Variants in ATP6V0D1 observed in about 807,000 individuals in gnomAD.
ATP6V0D1 encodes V-type proton ATPase subunit d 1.
ATP6V0D1 carries 13 observed loss-of-function variants against 39.0 expected under a neutral mutation model. The ratio of observed to expected loss-of-function variants is 0.33; its 90% CI spans 0.22 to 0.53. The LOEUF (loss-of-function observed/expected upper bound fraction) is 0.53, where lower values mean the gene tolerates loss of function less well. Ranked by LOEUF, ATP6V0D1 falls within the 20% of genes least tolerant of loss-of-function variation. ATP6V0D1 has a pLI of 0.94. For missense variants in ATP6V0D1, 272 were observed against 470.9 expected, an observed-to-expected ratio of 0.58 and a Z score of 3.91; for synonymous variants, 191 against 191.2, an observed-to-expected ratio of 1.00 and a Z score of 0.01.
chr16:67,455,161 A>T (rs756871152), intron 1 of ATP6V0D1: 6 of 152,180 alleles, frequency 3.9e-5, no homozygotes, highest in Non-Finnish European at 7.3e-5. Flanking sequence ...AGGGGATCAA[A>T]GGCGGAGCTG....
rs529258503 is a variant in ATP6V0D1 at position 67,439,132 on chromosome 16, G to A, written c.655C>T (p.Arg219Cys). The A allele has an allele frequency of 8.1e-6, 13 of 1,614,124 alleles. No homozygotes were observed. Among genetic ancestry groups the A allele is most frequent in the African/African-American group, 1.3e-5 (1 of 75,058 alleles). ...GAATTGATGGTGATGATGAAGGCGC[G>A]GCGGTCTGCTTCAAACTGTGGAGCC... Reference protein sequence around the residue: ...CPILEFEADRRAFIITINSFG... With the variant: ...CPILEFEADRCAFIITINSFG... Residue 219 changes from arginine to cysteine, a missense_variant, in exon 6 of 8, where the codon CGC becomes TGC. Coordinates refer to ENST00000290949, the MANE Select transcript of ATP6V0D1 (RefSeq NM_004691.5).
intron 1 of ATP6V0D1, among the ~76,000 whole-genome samples, chr16:67,466,345 AC>A (rs1483609373): frequency 1.3e-5 from 2 of 148,290 alleles, no homozygotes; most frequent in African/African-American, 2.6e-5. Context: ...ACACACACAC[AC>A]ACACACACAC....
intron 1 of ATP6V0D1, among the ~76,000 whole-genome samples, chr16:67,477,137 T>TTAAAGTGGGAACAAGGGA (rs2041422016): frequency 1.3e-5 from 2 of 150,028 alleles, no homozygotes; most frequent in African/African-American, 2.4e-5. Context: ...TACTACTAAT[T>TTAAAGTGGGAACAAGGGA]TAAAGTGGGA....
intron 3 of ATP6V0D1, 137 bp from the exon 4 acceptor site, chr16:67,443,315 T>G (rs1025032004): frequency 1.3e-6 from 1 of 753,062 alleles, no homozygotes; most frequent in Admixed American, 2.6e-5. Context: ...CAGCCTAGGC[T>G]GTTGCCTTGG....
chr16:67,454,615 G>A (rs1228178306), intron 1 of ATP6V0D1: 1 of 150,990 alleles, frequency 6.6e-6, no homozygotes, highest in Non-Finnish European at 1.5e-5. Context: ...GGCTGAACTT[G>A]AACTCCTAGT....
At chr16:67,454,687 G>C (rs920553649) in intron 1 of ATP6V0D1, 1 of 152,136 alleles carries the variant, frequency 6.6e-6, no homozygotes, top group East Asian at 1.9e-4. Context: ...GTGCCAGCCA[G>C]AGTGATCTTT....
At chr16:67,467,981 G>A (rs1019627609) in intron 1 of ATP6V0D1, among the ~76,000 whole-genome samples, 4 of 152,188 alleles carry the variant, frequency 2.6e-5, no homozygotes, top group Non-Finnish European at 5.9e-5. Flanking sequence ...ACTATGGGAG[G>A]CAGACCTGGG....
At chr16:67,461,764 CA>C (rs2041291081) in intron 1 of ATP6V0D1, among the ~76,000 whole-genome samples, 1 of 152,152 alleles carries the variant, frequency 6.6e-6, no homozygotes, top group African/African-American at 2.4e-5. Context: ...CAGCTGACAC[CA>C]GGGGCCAGCG....
intron 4 of ATP6V0D1, 83 bp from the exon 5 acceptor site, chr16:67,439,434 T>TC (rs1166028073): frequency 2.3e-6 from 3 of 1,318,138 alleles, no homozygotes; most frequent in Non-Finnish European, 3.2e-6. Context: ...AGCTCCCTCC[T>TC]CCCCTCCCTA....
In ATP6V0D1 at chr16:67,444,431, T is replaced by G. The variant is rs542205139; in HGVS notation, c.481+97A>C. The G allele has an allele frequency of 5.9e-6, 8 of 1,359,542 alleles. No individual in the cohort carries two copies. In the African/African-American group the frequency reaches 1.2e-4, roughly 20 times the overall value. The allele number at this position is 1,359,542 out of a possible 1,614,324, so 84.2% of individuals were successfully genotyped here. ...GCAGCAGTGGGCAGGTCTCACTTTCTGGCTCAGGGTCGCCCCCCAGCGGGT... is the reference window on the plus strand; with the variant it reads ...GCAGCAGTGGGCAGGTCTCACTTTCGGGCTCAGGGTCGCCCCCCAGCGGGT... On this transcript the variant is annotated intron_variant, in intron 3 of 7. Transcript: ENST00000290949. This position sits in a 1 kb window ranked among gnomAD's most constrained non-coding sequence, Gnocchi z 4.8.
At chr16:67,443,246 C>G in intron 3 of ATP6V0D1, 68 bp from the exon 4 acceptor site, 1 of 1,516,986 alleles carries the variant, frequency 6.6e-7, no homozygotes, top group South Asian at 1.1e-5. Context: ...TTCAAATGCC[C>G]TACACGGCAC....
At chr16:67,464,088 A>T (rs1170107638) in intron 1 of ATP6V0D1, among the ~76,000 whole-genome samples, 1 of 152,140 alleles carries the variant, frequency 6.6e-6, no homozygotes, top group African/African-American at 2.4e-5. Flanking sequence ...TGAACCCATG[A>T]CCTGGCAGCC....
intron 2 of ATP6V0D1, chr16:67,445,737 C>T (rs911287265): frequency 2.8e-6 from 1 of 359,906 alleles, no homozygotes; most frequent in Non-Finnish European, 5.6e-6. Flanking sequence ...CTGCCCAGTT[C>T]AGACTTGGCA....
chr16:67,459,078 G>T, intron 1 of ATP6V0D1: 5 of 985,684 alleles, frequency 5.1e-6, no homozygotes, highest in Non-Finnish European at 6.0e-6. Flanking sequence ...GAGGCCCCGT[G>T]CCCTCAGCCC....
At chr16:67,457,102 T>C (rs1449202203) in intron 1 of ATP6V0D1, 1 of 154,260 alleles carries the variant, frequency 6.5e-6, no homozygotes, top group African/African-American at 2.4e-5. Context: ...CACCTGGGAC[T>C]GGCCAGGGGG....
At position 67,453,683 on chromosome 16, in the gene ATP6V0D1, C is replaced by A. The variant is rs761293671; in HGVS notation, c.163G>T (p.Gly55Cys). Residue 55 changes from glycine to cysteine, a missense_variant, in exon 2 of 8, where the codon GGT (glycine) becomes TGT (cysteine). Gly to Cys is a radical substitution (Grantham distance 159). Around this residue, in one of 4 missense-constraint regions of ATP6V0D1, gnomAD observed 81 missense variants for 96.0 expected, o/e 0.84. Transcript: ENST00000290949. The surrounding 1 kb of genome is among the most constrained non-coding windows in gnomAD (Gnocchi z 4.1). ...GATGCCTCGTTGGCCAGGAAGTTAC[C>A]ATAATCAGTGCTCTGCAGATGCAGT... ...LKLHLQSTDY[G>C]NFLANEASPL... is the part of the protein sequence containing the mutation. The A allele has an allele frequency of 1.9e-6, 3 of 1,614,088 alleles. No homozygotes were observed. The East Asian group carries it at 6.7e-5, about 36-fold the overall frequency.
intron 1 of ATP6V0D1, among the ~76,000 whole-genome samples, chr16:67,460,963 G>C (rs1001438609): frequency 6.6e-6 from 1 of 152,218 alleles, no homozygotes; most frequent in Admixed American, 6.5e-5. Context: ...AATCTCTCTG[G>C]AACCAGGCCC....
intron 1 of ATP6V0D1, among the ~76,000 whole-genome samples, chr16:67,467,744 G>C (rs1175289175): frequency 6.6e-6 from 1 of 152,222 alleles, no homozygotes; most frequent in African/African-American, 2.4e-5. Context: ...AGGGGCACTA[G>C]GGTCCTGACC....
At chr16:67,469,289 C>A (rs2041354204) in intron 1 of ATP6V0D1, among the ~76,000 whole-genome samples, 1 of 152,042 alleles carries the variant, frequency 6.6e-6, no homozygotes. Flanking sequence ...GCCTAGGCAA[C>A]AAAGCAAGAC....
Sources: allele counts gnomAD v4.1 joint callset (sites outside exome capture counted in the v4.1 genomes callset), GRCh38; gene constraint gnomAD v4.1.1; regional missense constraint gnomAD v4.1.1; non-coding constraint Gnocchi (gnomAD v3.1); transcripts MANE v1.5; gene names NCBI Gene and HGNC (gene_info 2026-07-23, HGNC 2026-07-21).